The following FBXL7 variants were observed in gnomAD, a reference collection of about 807,000 sequenced individuals.
FBXL7 encodes F-box/LRR-repeat protein 7.
In FBXL7, 12 loss-of-function variants were observed where a neutral mutation model predicts 38.3. The observed-to-expected ratio is 0.31, with a 90% CI of 0.20 to 0.51. FBXL7 has a LOEUF of 0.51. FBXL7 is among the 20% of genes least tolerant of loss of function. FBXL7 has a pLI of 0.98. For synonymous variants in FBXL7, 297 were observed against 300.9 expected (o/e 0.99, Z 0.13); for missense variants, 567 against 676.4 (o/e 0.84, Z 1.79).
At chr5:15,872,012 A>G (rs1739986064) in intron 2 of FBXL7, among the ~76,000 whole-genome samples, 1 of 152,202 alleles carries the variant, frequency 6.6e-6, no homozygotes, top group Admixed American at 6.5e-5. Flanking sequence ...GAAATGAAGG[A>G]AAAAATGTTA....
intron 2 of FBXL7, among the ~76,000 whole-genome samples, chr5:15,924,632 C>CTTTTT (rs34865383): frequency 1.7e-5 from 2 of 120,042 alleles, no homozygotes; most frequent in African/African-American, 3.2e-5. Context: ...TCTCATTATT[C>CTTTTT]TTTTTTTTTT....
intron 1 of FBXL7, among the ~76,000 whole-genome samples, chr5:15,553,093 CA>C (rs371383973): frequency 4.9e-5 from 5 of 102,856 alleles, no homozygotes; most frequent in Non-Finnish European, 9.4e-5. Context: ...AAAAAAAAAA[CA>C]AAAAAAAACC....
At chr5:15,839,760 CTCCTCT>C (rs566779126) in intron 2 of FBXL7, among the ~76,000 whole-genome samples, 62 of 151,936 alleles carry the variant, frequency 4.1e-4, no homozygotes, top group Admixed American at 1.2e-3. Flanking sequence ...TTTTCTTTTT[CTCCTCT>C]TCCTCTTCCT....
intron 2 of FBXL7, among the ~76,000 whole-genome samples, chr5:15,641,941 T>TTG (rs199980981): frequency 0.13 from 17,711 of 141,332 alleles, 1,322 homozygotes; most frequent in African/African-American, 0.22. Context: ...ACATAAAACC[T>TTG]TGTGTGTGTG....
At chr5:15,682,324 G>A (rs935935013) in intron 2 of FBXL7, among the ~76,000 whole-genome samples, 4 of 152,138 alleles carry the variant, frequency 2.6e-5, no homozygotes, top group Admixed American at 2.0e-4. Flanking sequence ...TCTCAATCAC[G>A]TGACCTTACT....
chr5:15,721,756 G>T (rs943674389), intron 2 of FBXL7, among the ~76,000 whole-genome samples: 5 of 151,866 alleles, frequency 3.3e-5, no homozygotes, highest in Non-Finnish European at 7.4e-5. Flanking sequence ...TTTAGTGTCT[G>T]GTTTTTTAGT....
At chr5:15,516,672 C>T (rs376810498) in intron 1 of FBXL7, among the ~76,000 whole-genome samples, 1 of 151,926 alleles carries the variant, frequency 6.6e-6, no homozygotes, top group South Asian at 2.1e-4. Context: ...AATTCTCCCA[C>T]ATGTCGTGGG....
At chr5:15,655,026 G>A (rs1391374754) in intron 2 of FBXL7, among the ~76,000 whole-genome samples, 2 of 152,198 alleles carry the variant, frequency 1.3e-5, no homozygotes, top group Non-Finnish European at 2.9e-5. Context: ...GCCCTGGCAT[G>A]TACAGAGTCC....
chr5:15,777,720 TAAAAA>T (rs371293320), intron 2 of FBXL7, among the ~76,000 whole-genome samples: 99 of 82,526 alleles, frequency 1.2e-3, no homozygotes, highest in African/African-American at 2.5e-3. Context: ...CCTATTCTGG[TAAAAA>T]AAAAAAAAAA....
chr5:15,774,419 G>T (rs1009221514), intron 2 of FBXL7, among the ~76,000 whole-genome samples: 8 of 152,112 alleles, frequency 5.3e-5, no homozygotes, highest in African/African-American at 1.9e-4. Flanking sequence ...AGGGTGGGGG[G>T]GCTACCATAT....
At chr5:15,502,425 T>A (rs1736521515) in intron 1 of FBXL7, among the ~76,000 whole-genome samples, 1 of 152,212 alleles carries the variant, frequency 6.6e-6, no homozygotes, top group African/African-American at 2.4e-5. Context: ...TCTCCAGCTG[T>A]TATCCTTAAA....
chr5:15,660,893 G>A (rs1438195008), intron 2 of FBXL7, among the ~76,000 whole-genome samples: 1 of 152,128 alleles, frequency 6.6e-6, no homozygotes. Flanking sequence ...GTAGAACTTG[G>A]AGTGTAATCT....
chr5:15,730,363 A>G (rs1735549931), intron 2 of FBXL7, among the ~76,000 whole-genome samples: 1 of 152,110 alleles, frequency 6.6e-6, no homozygotes, highest in Non-Finnish European at 1.5e-5. Context: ...GGATTTCTTA[A>G]TCATATCTTG....
chr5:15,622,015 A>G (rs374437399), intron 2 of FBXL7, among the ~76,000 whole-genome samples: 10 of 152,234 alleles, frequency 6.6e-5, no homozygotes, highest in African/African-American at 2.4e-4. Context: ...GTCAAGGAAC[A>G]GCAGTAGAAA....
intron 2 of FBXL7, among the ~76,000 whole-genome samples, chr5:15,683,128 A>C (rs931530004): frequency 1.3e-5 from 2 of 152,184 alleles, no homozygotes; most frequent in Non-Finnish European, 2.9e-5. Flanking sequence ...CAAATGCAGA[A>C]TTAATTAATC....
intron 2 of FBXL7, among the ~76,000 whole-genome samples, chr5:15,623,695 A>T (rs931126129): frequency 3.9e-5 from 6 of 152,344 alleles, no homozygotes; most frequent in Admixed American, 2.6e-4. Flanking sequence ...TGATGCTTTT[A>T]ACTCTAGGTG....
At chr5:15,895,632 A>AC (rs1741075039) in intron 2 of FBXL7, among the ~76,000 whole-genome samples, 4 of 116,760 alleles carry the variant, frequency 3.4e-5, no homozygotes, top group Non-Finnish European at 7.1e-5. Context: ...CCTTTTTCAT[A>AC]CTTTTTTTTT....
At chr5:15,831,315 A>G (rs1293796905) in intron 2 of FBXL7, among the ~76,000 whole-genome samples, 1 of 152,168 alleles carries the variant, frequency 6.6e-6, no homozygotes, top group Non-Finnish European at 1.5e-5. Context: ...TACATGGCAC[A>G]GTCTCTCCTG....
At chr5:15,861,962 T>C (rs774756845) in intron 2 of FBXL7, among the ~76,000 whole-genome samples, 1 of 152,198 alleles carries the variant, frequency 6.6e-6, no homozygotes, top group African/African-American at 2.4e-5. Flanking sequence ...ATTTATGGAG[T>C]ATCTACTATA....
Sources: gnomAD v4.1 joint callset for allele counts (sites outside exome capture counted in the v4.1 genomes callset) on GRCh38, gnomAD v4.1.1 for gene constraint, MANE v1.5 for transcripts, NCBI Gene and HGNC (gene_info 2026-07-23, HGNC 2026-07-21) for gene names.